The following ST18 variants were observed in gnomAD, a reference collection of about 807,000 sequenced individuals.
The protein encoded by ST18 is suppression of tumorigenicity 18 protein.
ST18 carries 50 observed loss-of-function variants against 110.0 expected under a neutral mutation model. That is an observed-to-expected ratio of 0.45 (90% CI 0.36 to 0.58). The LOEUF (loss-of-function observed/expected upper bound fraction) is 0.58. Among genes scored for constraint, ST18 ranks in the 20% least tolerant of loss-of-function variants. ST18 has a pLI of 0.00. For synonymous variants in ST18, 461 were observed against 452.4 expected (o/e 1.02, Z -0.24); for missense variants, 1,306 against 1,280.1 (o/e 1.02, Z -0.31).
intron 2 of ST18, among the ~76,000 whole-genome samples, chr8:52,353,913 G>T (rs1199215544): frequency 1.3e-5 from 2 of 152,194 alleles, no homozygotes; most frequent in Non-Finnish European, 2.9e-5. Flanking sequence ...ATTGGCCCAT[G>T]GTGTAGCTAC....
chr8:52,196,080 CA>C (rs1402783989), intron 8 of ST18, among the ~76,000 whole-genome samples: 2 of 151,914 alleles, frequency 1.3e-5, no homozygotes, highest in African/African-American at 4.8e-5. Context: ...AATATGCTTG[CA>C]AAAAAATGGT....
intron 2 of ST18, among the ~76,000 whole-genome samples, chr8:52,294,294 C>A (rs1410739941): frequency 6.6e-6 from 1 of 152,196 alleles, no homozygotes; most frequent in African/African-American, 2.4e-5. Context: ...TGACCCTGAA[C>A]CAGAAAGGAA....
intron 8 of ST18, 88 bp from the exon 9 acceptor site, chr8:52,180,400 C>T (rs889903438): frequency 2.1e-6 from 3 of 1,454,704 alleles, no homozygotes; most frequent in Non-Finnish European, 2.8e-6. Context: ...AACCTAAAGC[C>T]TTTGGAAACT....
intron 2 of ST18, among the ~76,000 whole-genome samples, chr8:52,273,670 G>A (rs2095147586): frequency 6.6e-6 from 1 of 152,176 alleles, no homozygotes; most frequent in South Asian, 2.1e-4. Context: ...GGCAAAATGG[G>A]TTCTATTAGA....
At chr8:52,181,944 A>G (rs919552925) in intron 8 of ST18, among the ~76,000 whole-genome samples, 9 of 151,604 alleles carry the variant, frequency 5.9e-5, no homozygotes, top group African/African-American at 1.7e-4. Context: ...AACTCTAGGA[A>G]CCTCTTGAAC....
intron 2 of ST18, among the ~76,000 whole-genome samples, chr8:52,360,967 T>G (rs1408711993): frequency 6.6e-6 from 1 of 152,216 alleles, no homozygotes; most frequent in Non-Finnish European, 1.5e-5. Context: ...TTCTCCAATC[T>G]TCTTAAACTG....
intron 13 of ST18, among the ~76,000 whole-genome samples, chr8:52,163,212 T>G (rs1437870242): frequency 1.3e-5 from 2 of 152,222 alleles, no homozygotes; most frequent in Non-Finnish European, 2.9e-5. Context: ...ATGCCAATTT[T>G]GACTCTTCAT....
chr8:52,240,954 A>G (rs2093345557), intron 2 of ST18, among the ~76,000 whole-genome samples: 1 of 151,914 alleles, frequency 6.6e-6, no homozygotes, highest in South Asian at 2.1e-4. Context: ...CAACATCACC[A>G]CCCGGTTGTC....
chr8:52,180,615 A>C (rs2069045503), intron 8 of ST18, among the ~76,000 whole-genome samples: 1 of 152,146 alleles, frequency 6.6e-6, no homozygotes, highest in Admixed American at 6.6e-5. Context: ...CAAGATTTGC[A>C]CTGGTTTGCT....
intron 2 of ST18, among the ~76,000 whole-genome samples, chr8:52,393,073 T>C (rs1839858796): frequency 6.6e-6 from 1 of 152,188 alleles, no homozygotes; most frequent in African/African-American, 2.4e-5. Flanking sequence ...CCAGACCCTA[T>C]TCGCCTGCTT....
At chr8:52,209,786 A>AT (rs778525182) in intron 8 of ST18, among the ~76,000 whole-genome samples, 274 of 133,406 alleles carry the variant, frequency 2.1e-3, no homozygotes, top group East Asian at 5.7e-3. Flanking sequence ...AAAAAAAAAA[A>AT]AAATATATAT....
At chr8:52,375,786 C>T (rs544904158) in intron 2 of ST18, among the ~76,000 whole-genome samples, 27 of 152,282 alleles carry the variant, frequency 1.8e-4, no homozygotes, top group Admixed American at 6.5e-4. Context: ...ATGTCTTGCA[C>T]GCACATTAAA....
chr8:52,296,608 C>T (rs2095641505), intron 2 of ST18: 1 of 152,174 alleles, frequency 6.6e-6, no homozygotes, highest in African/African-American at 2.4e-5. Context: ...AACTCAGCTT[C>T]CTTATCTCTA....
Position 52,212,077 on chromosome 8 carries a change from A to G in ST18, c.86+2T>C, listed in dbSNP as rs780371369. ...AAAAAAGTAATATAGGGTAAATCTTACCTGAGCTCCTGGATTAGTGAATCC... is the reference window on the plus strand; with the variant it reads ...AAAAAAGTAATATAGGGTAAATCTTGCCTGAGCTCCTGGATTAGTGAATCC... On this transcript the variant is annotated splice_donor_variant, in intron 8 of 25. Transcript: ENST00000689386. LOFTEE classifies it high-confidence loss of function. 1 of 1,606,254 alleles carries G rather than the reference A, an allele frequency of 6.2e-7. No homozygotes were observed. Among genetic ancestry groups the G allele is most frequent in the Non-Finnish European group, 8.5e-7 (1 of 1,178,384 alleles).
rs536349702 is a variant in ST18, at chr8:52,140,590, T to C, written c.2168+2340A>G. ...ATAGATAGATAGATAGATAGATAGA[T>C]AGATAAAATGGATGAACTAAGAGGC... On this transcript the variant is annotated intron_variant, in intron 17 of 25. Transcript: ENST00000689386. 2.1e-3 allele frequency among the ~76,000 whole-genome samples: 315 copies of C among 146,686 alleles called. 1 individual carries two copies. The highest frequency in any genetic ancestry group is 7.3e-3 in the African/African-American group (289 of 39,842).
intron 10 of ST18, 150 bp from the exon 11 acceptor site, chr8:52,167,136 T>A: frequency 1.8e-6 from 2 of 1,105,432 alleles, no homozygotes; most frequent in Non-Finnish European, 2.5e-6. Context: ...GACCCTCAAC[T>A]AAGACCTGTG....
chr8:52,349,152 T>C (rs1218898138), intron 2 of ST18, among the ~76,000 whole-genome samples: 1 of 152,190 alleles, frequency 6.6e-6, no homozygotes, highest in East Asian at 1.9e-4. Flanking sequence ...TCCAGGTTCA[T>C]CCATGTTGCA....
In ST18 at chr8:52,327,026, C is replaced by T. The variant is rs997880626; in HGVS notation, c.-465+82302G>A. ...ACCGGAGAGGGAGCCCCACAGCCTTCATTTAAGCTTGGTTTTGTTGTTACT... is the reference window on the plus strand; with the variant it reads ...ACCGGAGAGGGAGCCCCACAGCCTTTATTTAAGCTTGGTTTTGTTGTTACT... On this transcript the variant is annotated intron_variant, in intron 2 of 25. Coordinates refer to ENST00000689386, the MANE Select transcript of ST18 (RefSeq NM_001352837.2). Among the ~76,000 whole-genome samples, 14 of 152,356 alleles carry T rather than the reference C, an allele frequency of 9.2e-5. No homozygotes were observed. In the East Asian group the frequency reaches 1.5e-3, roughly 17 times the overall value.
At chr8:52,243,360 A>G (rs1564281234) in intron 2 of ST18, among the ~76,000 whole-genome samples, 3 of 152,204 alleles carry the variant, frequency 2.0e-5, no homozygotes, top group African/African-American at 7.2e-5. Context: ...TCACTTCATC[A>G]GGATCTTTCA....
Sources: gnomAD v4.1 joint callset for allele counts (sites outside exome capture counted in the v4.1 genomes callset) on GRCh38, gnomAD v4.1.1 for gene constraint, MANE v1.5 for transcripts, NCBI Gene and HGNC (gene_info 2026-07-23, HGNC 2026-07-21) for gene names.